ZDHHC13: variants seen among roughly 807,000 people sequenced by gnomAD.
ZDHHC13 encodes palmitoyltransferase ZDHHC13.
In ZDHHC13, 85 loss-of-function variants were observed where a neutral mutation model predicts 86.0. That is an observed-to-expected ratio of 0.99 (90% confidence interval 0.83 to 1.18). The LOEUF (loss-of-function observed/expected upper bound fraction) is 1.18. ZDHHC13 is among the 50% of genes most tolerant of loss of function. ZDHHC13 has a pLI of 0.00. For missense variants in ZDHHC13, 711 were observed against 730.2 expected (o/e 0.97, Z 0.30); for synonymous variants, 263 against 246.4 (o/e 1.07, Z -0.63).
chr11:19,176,265 T>C lies in ZDHHC13; in HGVS notation c.*305T>C, dbSNP rs1590099401. Reference sequence around the variant, plus strand: ...ATGGATAAAATGGAATATTTTCAGATACTATATTGGCTGTTTCAAAATAGT... The same window carrying C: ...ATGGATAAAATGGAATATTTTCAGACACTATATTGGCTGTTTCAAAATAGT... On this transcript the variant is annotated 3_prime_UTR_variant, in exon 17 of 17. Transcript: ENST00000446113. 4.8e-6 allele frequency: 1 copy of C among 208,642 alleles called. No homozygotes were observed. The highest frequency in any genetic ancestry group is 1.3e-4 in the East Asian group (1 of 7,792). 12.9% of individuals were successfully genotyped at this position (208,642 alleles called of 1,614,324 possible).
At chr11:19,163,515 TTGTTACG>T in intron 11 of ZDHHC13, 88 bp downstream of exon 11, 1 of 1,306,226 alleles carries the variant, frequency 7.7e-7, no homozygotes, top group South Asian at 2.3e-5. Flanking sequence ...GTGTTGCTTT[TTGTTACG>T]GCTGCATGAC....
chr11:19,120,170 A>C (rs899883189), intron 1 of ZDHHC13, among the ~76,000 whole-genome samples: 1 of 152,230 alleles, frequency 6.6e-6, no homozygotes, highest in Non-Finnish European at 1.5e-5. Context: ...AACCACCTCA[A>C]AACATAGTGG....
chr11:19,132,604 C>T (rs1043737870), intron 1 of ZDHHC13, among the ~76,000 whole-genome samples: 12 of 152,176 alleles, frequency 7.9e-5, no homozygotes, highest in African/African-American at 2.2e-4. Flanking sequence ...TTGAAATGTG[C>T]CCACAACTGC....
chr11:19,146,452 AT>A, intron 3 of ZDHHC13, 149 bp downstream of exon 3: 1 of 1,001,792 alleles, frequency 1.0e-6, no homozygotes, highest in Non-Finnish European at 1.4e-6. Flanking sequence ...GTTGGTTATT[AT>A]AAAGTTGAAA....
chr11:19,122,442 GCTT>G (rs1295870693), intron 1 of ZDHHC13, among the ~76,000 whole-genome samples: 3 of 151,888 alleles, frequency 2.0e-5, no homozygotes, highest in Non-Finnish European at 4.4e-5. Context: ...TCAATTCATG[GCTT>G]CTTTGTAGAA....
At chr11:19,172,466 T>C (rs1850249681) in intron 15 of ZDHHC13, among the ~76,000 whole-genome samples, 1 of 152,238 alleles carries the variant, frequency 6.6e-6, no homozygotes, top group South Asian at 2.1e-4. Context: ...ATTTGAGGTT[T>C]AAATGAGATA....
Position 19,163,435 on chromosome 11 carries a change from T to A in ZDHHC13, c.1233+8T>A. 1 of 1,579,512 alleles carries A rather than the reference T, an allele frequency of 6.3e-7. No individual in the cohort carries two copies. The highest frequency in any genetic ancestry group is 8.6e-7 in the Non-Finnish European group (1 of 1,168,418). ...GAAGAAGAAAAGAAAGTGGTGAGAT[T>A]TCTTCGTTACTGATATTTTTAATAG... On this transcript the variant is annotated splice_region_variant and intron_variant, in intron 11 of 16. Coordinates refer to ENST00000446113, the MANE Select transcript of ZDHHC13 (RefSeq NM_019028.3).
At chr11:19,146,713 T>C (rs1849477558) in intron 3 of ZDHHC13, among the ~76,000 whole-genome samples, 1 of 152,164 alleles carries the variant, frequency 6.6e-6, no homozygotes. Flanking sequence ...ATATGGAATA[T>C]ACTTTTAAGT....
chr11:19,144,664 T>C lies in ZDHHC13; in HGVS notation c.174-1517T>C, dbSNP rs145410479. Among the ~76,000 whole-genome samples the C allele has an allele frequency of 6.8e-3, 1,040 of 152,302 alleles. 8 individuals carry two copies. Among genetic ancestry groups the C allele is most frequent in the African/African-American group, 0.024 (981 of 41,572 alleles). ...GCACACACACACGCGTGTATTTTGG[T>C]AAGGCAGAAATTATTCTAATTTACA... On this transcript the variant is annotated intron_variant, in intron 2 of 16. Transcript: ENST00000446113.
chr11:19,135,022 A>AC (rs1849096349), intron 1 of ZDHHC13, among the ~76,000 whole-genome samples: 2 of 151,826 alleles, frequency 1.3e-5, no homozygotes, highest in Admixed American at 6.6e-5. Context: ...ACAGAGGAAG[A>AC]CCCCCTCCCA....
rs868109540 is a variant in ZDHHC13 at position 19,136,353 on chromosome 11, C to T, written c.28-6625C>T. 2.0e-3 allele frequency among the ~76,000 whole-genome samples: 309 copies of T among 151,102 alleles called. 2 individuals are homozygous for T. The highest frequency in any genetic ancestry group is 7.0e-3 in the African/African-American group (287 of 41,012). ...GGAAGATGAAGTGAATGAAATGAAGCGAGAAGGGAAGTTTAGAGAAAAAAG... is the reference window on the plus strand; with the variant it reads ...GGAAGATGAAGTGAATGAAATGAAGTGAGAAGGGAAGTTTAGAGAAAAAAG... On this transcript the variant is annotated intron_variant, in intron 1 of 16. Transcript: ENST00000446113.
At position 19,123,889 on chromosome 11, in the gene ZDHHC13, A is replaced by C. The variant is rs114856332; in HGVS notation, c.27+6613A>C. On this transcript the variant is annotated intron_variant, in intron 1 of 16. Transcript: ENST00000446113. ...ATCAAAGTGTCAAGGTTGTAAAAAG[A>C]TTGATAATATTCAGTTCTGGGAAGG... 6.9e-3 allele frequency among the ~76,000 whole-genome samples: 1,044 copies of C among 152,316 alleles called. 9 individuals carry two copies. Among genetic ancestry groups the C allele is most frequent in the African/African-American group, 0.024 (986 of 41,570 alleles).
chr11:19,120,892 G>A (rs1395878941), intron 1 of ZDHHC13, among the ~76,000 whole-genome samples: 2 of 152,170 alleles, frequency 1.3e-5, no homozygotes, highest in Non-Finnish European at 2.9e-5. Flanking sequence ...TAGAATACTT[G>A]GAGCTGGAAG....
chr11:19,164,764 G>A, intron 12 of ZDHHC13: 1 of 431,972 alleles, frequency 2.3e-6, no homozygotes. Context: ...TGGAACTTGG[G>A]TTTCCTTCCC....
chr11:19,152,698 G>A lies in ZDHHC13; in HGVS notation c.873+14G>A, dbSNP rs765794723. The A allele has an allele frequency of 1.4e-5, 23 of 1,612,280 alleles. No individual in the cohort carries two copies. In the East Asian group the frequency reaches 4.9e-4, roughly 34 times the overall value. On this transcript the variant is annotated intron_variant, in intron 8 of 16. Coordinates refer to ENST00000446113, the MANE Select transcript of ZDHHC13 (RefSeq NM_019028.3). Reference sequence around the variant, plus strand: ...CAGAAATGCGAGGTATTTTCATATGGGGTCTTTTCTATGGGATAGATGACT... The same window carrying A: ...CAGAAATGCGAGGTATTTTCATATGAGGTCTTTTCTATGGGATAGATGACT...
At chr11:19,167,211 T>C (rs1277684440) in intron 14 of ZDHHC13, 2 of 152,206 alleles carry the variant, frequency 1.3e-5, no homozygotes, top group African/African-American at 4.8e-5. Context: ...AGGCTTCACT[T>C]CCATCCACCC....
chr11:19,166,448 A>G, intron 14 of ZDHHC13, 63 bp downstream of exon 14: 1 of 1,339,118 alleles, frequency 7.5e-7, no homozygotes. Flanking sequence ...TTTTCCTTGT[A>G]AACCCTTGTA....
intron 1 of ZDHHC13, among the ~76,000 whole-genome samples, chr11:19,135,177 G>A (rs1441381557): frequency 1.3e-5 from 2 of 152,230 alleles, no homozygotes; most frequent in African/African-American, 4.8e-5. Context: ...CATCTCACTA[G>A]GGAGTGCCAG....
chr11:19,117,155 A>G, upstream of ZDHHC13: 1 of 1,373,500 alleles, frequency 7.3e-7, no homozygotes. This position sits in a 1 kb window ranked among gnomAD's most constrained non-coding sequence, Gnocchi z 4.2. Flanking sequence ...GGGCGCCAGC[A>G]GGAAGTGGGA....
Sources: gnomAD v4.1 joint callset for allele counts (sites outside exome capture counted in the v4.1 genomes callset) on GRCh38, gnomAD v4.1.1 for gene constraint, Gnocchi (gnomAD v3.1) non-coding constraint, MANE v1.5 for transcripts, NCBI Gene and HGNC (gene_info 2026-07-23, HGNC 2026-07-21) for gene names.